Variants in NDUFS7 observed in about 807,000 individuals in gnomAD.
NDUFS7 encodes NADH dehydrogenase [ubiquinone] iron-sulfur protein 7, mitochondrial.
NDUFS7 carries 11 observed loss-of-function variants against 31.1 expected under a neutral mutation model. The observed-to-expected ratio is 0.35, with a 90% CI of 0.22 to 0.59. NDUFS7 has a LOEUF of 0.59. Among genes scored for constraint, NDUFS7 ranks in the 20% least tolerant of loss-of-function variants. The pLI is 0.79. For missense variants in NDUFS7, 263 were observed against 324.2 expected, an observed-to-expected ratio of 0.81 and a Z score of 1.45; for synonymous variants, 136 against 127.9, an observed-to-expected ratio of 1.06 and a Z score of -0.43.
chr19:1,393,024 T>TC lies in NDUFS7; in HGVS notation c.456-214dup. 3.3e-6 allele frequency: 2 copies of TC among 601,548 alleles called. No individual in the cohort carries two copies. The highest frequency in any genetic ancestry group is 1.9e-5 in the South Asian group (1 of 51,366). The allele number at this position is 601,548 out of a possible 1,614,324, so 37.3% of individuals were successfully genotyped here. A position where few individuals can be genotyped will look rare whatever the true frequency, so the allele number is the denominator to read the frequency against. ...AGCCCCCTCGGGAGGGGAGCACTTT[T>TC]CCCCGAGTTATCAGCCACGTGTGAG... On this transcript the variant is annotated intron_variant, in intron 6 of 7. Transcript: ENST00000233627. This position sits in a 1 kb window ranked among gnomAD's most constrained non-coding sequence, Gnocchi z 7.3.
intron 7 of NDUFS7, chr19:1,394,113 T>C (rs1803038281): frequency 1.2e-5 from 4 of 338,654 alleles, no homozygotes; most frequent in South Asian, 4.6e-5. Flanking sequence ...AGCCCAGCCC[T>C]GAGTCCCGAG....
intron 2 of NDUFS7, chr19:1,388,316 AAGAAG>A: frequency 1.6e-6 from 1 of 622,592 alleles, no homozygotes; most frequent in Non-Finnish European, 2.9e-6. Context: ...TACGTCACAA[AAGAAG>A]TTCCATTCAA....
At chr19:1,384,720 C>A (rs1009834719) in intron 1 of NDUFS7, among the ~76,000 whole-genome samples, 2 of 152,208 alleles carry the variant, frequency 1.3e-5, no homozygotes, top group East Asian at 1.9e-4. Context: ...GTCTGCAGCC[C>A]CTGCACCATA....
chr19:1,388,471 G>C, intron 2 of NDUFS7, 54 bp from the exon 3 acceptor site: 1 of 1,521,906 alleles, frequency 6.6e-7, no homozygotes, highest in Non-Finnish European at 9.1e-7. Context: ...AGTGCGGCTG[G>C]GGGAGCTGGA....
At chr19:1,384,891 T>C (rs1302950593) in intron 1 of NDUFS7, among the ~76,000 whole-genome samples, 1 of 152,222 alleles carries the variant, frequency 6.6e-6, no homozygotes, top group Non-Finnish European at 1.5e-5. Flanking sequence ...GGCTCATCAC[T>C]GCAACCTGTG....
chr19:1,388,563 A>C lies in NDUFS7; in HGVS notation c.92A>C (p.His31Pro), dbSNP rs1267323843. The C allele has an allele frequency of 1.2e-6, 2 of 1,612,126 alleles. No homozygotes were observed. Among genetic ancestry groups the C allele is most frequent in the Non-Finnish European group, 1.7e-6 (2 of 1,179,914 alleles). The change falls in exon 3 of 8, where the codon CAT becomes CCT. Residue 31 changes from histidine to proline, a missense_variant. Physicochemically the swap from His to Pro is moderately conservative, Grantham distance 77 (BLOSUM62 -2). Coordinates refer to ENST00000233627, the MANE Select transcript of NDUFS7 (RefSeq NM_024407.5). ...CCGGCTGTGCAGGCACGAGGTGTCC[A>C]TCAGAGCGTGGCCACCGATGGCCCA... ...VGPAVQARGV[H>P]QSVATDGPSS...
rs576885917 is a variant in NDUFS7 at position 1,389,281 on chromosome 19, G to C, written c.228+343G>C. ...CATATACACATGCACACGCACACTC[G>C]CACACACGTGCACATATATGCACAG... On this transcript the variant is annotated intron_variant, in intron 4 of 7. Transcript: ENST00000233627. 16 of 583,510 alleles carry C rather than the reference G, an allele frequency of 2.7e-5. No individual in the cohort carries two copies. In the Admixed American group the frequency reaches 3.6e-4, roughly 13 times the overall value. The allele number at this position is 583,510 out of a possible 1,614,324, so 36.1% of individuals were successfully genotyped here. A position where few individuals can be genotyped will look rare whatever the true frequency, so the allele number is the denominator to read the frequency against.
intron 2 of NDUFS7, 61 bp from the exon 3 acceptor site, chr19:1,388,464 G>T (rs998017971): frequency 6.8e-7 from 1 of 1,473,536 alleles, no homozygotes; most frequent in Admixed American, 1.7e-5. Flanking sequence ...AACAGTGAGT[G>T]CGGCTGGGGG....
chr19:1,389,127 CGCACACAAT>C, intron 4 of NDUFS7, 189 bp downstream of exon 4: 2 of 707,550 alleles, frequency 2.8e-6, no homozygotes, highest in East Asian at 2.7e-5. Context: ...CGCACACTCA[CGCACACAAT>C]GCACATATGC....
chr19:1,388,019 C>A, intron 2 of NDUFS7, 172 bp downstream of exon 2: 1 of 711,130 alleles, frequency 1.4e-6, no homozygotes, highest in Non-Finnish European at 2.5e-6. Flanking sequence ...CGGGACCCTC[C>A]CTGGGACAGT....
At chr19:1,395,241 A>C in intron 7 of NDUFS7, 150 bp from the exon 8 acceptor site, 2 of 1,443,264 alleles carry the variant, frequency 1.4e-6, no homozygotes, top group Non-Finnish European at 1.8e-6. Flanking sequence ...GCCGGCTCCC[A>C]GTCCCTGGCA....
At position 1,388,567 on chromosome 19, in the gene NDUFS7, G is replaced by T; in HGVS notation, c.96G>T (p.Gln32His). The T allele has an allele frequency of 6.2e-7, 1 of 1,612,220 alleles. No homozygotes were observed. Among genetic ancestry groups the T allele is most frequent in the Non-Finnish European group, 8.5e-7 (1 of 1,179,892 alleles). The change falls in exon 3 of 8, where the codon CAG (glutamine) becomes CAT (histidine). Residue 32 changes from glutamine to histidine, a missense_variant. Gln to His is a conservative substitution (Grantham distance 24). Transcript: ENST00000233627. ...GPAVQARGVHQSVATDGPSST... is the reference protein window; with the variant it reads ...GPAVQARGVHHSVATDGPSST... ...CTGTGCAGGCACGAGGTGTCCATCA[G>T]AGCGTGGCCACCGATGGCCCAAGCA...
chr19:1,394,096 C>T (rs866103681), intron 7 of NDUFS7: 6 of 330,536 alleles, frequency 1.8e-5, no homozygotes, highest in African/African-American at 6.5e-5. Flanking sequence ...TTAGCTCATG[C>T]GCAGAGAGCC....
rs1250732684 is a variant in NDUFS7, at chr19:1,394,271, G to A, written c.544+941G>A. 15 of 993,550 alleles carry A rather than the reference G, an allele frequency of 1.5e-5. 1 individual carries two copies. Among genetic ancestry groups the A allele is most frequent in the Non-Finnish European group, 1.9e-5 (14 of 726,954 alleles). The allele number at this position is 993,550 out of a possible 1,614,324, so 61.5% of individuals were successfully genotyped here. A position where few individuals can be genotyped will look rare whatever the true frequency, so the allele number is the denominator to read the frequency against. On this transcript the variant is annotated intron_variant, in intron 7 of 7. Transcript: ENST00000233627. ...CAGGTCACCCCGGGGGCAGTGGAGA[G>A]GGCAGCCTGGGCCTCCCTGTGACTT...
At chr19:1,387,913 GGGGGGGT>G (rs1466708363) in intron 2 of NDUFS7, 66 bp downstream of exon 2, 1 of 408,176 alleles carries the variant, frequency 2.4e-6, no homozygotes, top group Admixed American at 2.7e-5. Flanking sequence ...GAACGGGGCG[GGGGGGGT>G]GGGGGGTGGG....
At chr19:1,392,895 G>A (rs376660272) in intron 6 of NDUFS7, 30 of 371,430 alleles carry the variant, frequency 8.1e-5, no homozygotes, top group South Asian at 6.6e-4. Context: ...AGGCTCAGCC[G>A]CCCCATAGAC....
At position 1,388,643 on chromosome 19, in the gene NDUFS7, CCCTT is replaced by C. The variant is rs1568988023; in HGVS notation, c.122+55_122+58del. The C allele has an allele frequency of 2.5e-6, 4 of 1,572,218 alleles. No homozygotes were observed. The South Asian group carries it at 3.4e-5, about 13-fold the overall frequency. Reference sequence around the variant, plus strand: ...TCGTACCCCCTCGCCCCACCCCCATCCCTTCCTTATTTTCTGCATCAGTGCCGCA... The same window carrying C: ...TCGTACCCCCTCGCCCCACCCCCATCCCTTATTTTCTGCATCAGTGCCGCA... On this transcript the variant is annotated intron_variant, in intron 3 of 7. Transcript: ENST00000233627.
intron 4 of NDUFS7, 140 bp downstream of exon 4, chr19:1,389,078 C>T (rs1205362131): frequency 1.3e-6 from 1 of 772,648 alleles, no homozygotes; most frequent in Non-Finnish European, 2.2e-6. Context: ...CATGTGCATG[C>T]AAGCTCACAT....
rs772253846 is a variant in NDUFS7, at chr19:1,391,203, G to A, written c.455+38G>A. On this transcript the variant is annotated intron_variant, in intron 6 of 7. Coordinates refer to ENST00000233627, the MANE Select transcript of NDUFS7 (RefSeq NM_024407.5). ...CGGGGGGTCTCCAGGGACAGACGTA[G>A]CGTGAGTGCTGGCCTGGCCGTGCCC... 29 of 1,604,334 alleles carry A rather than the reference G, an allele frequency of 1.8e-5. No individual in the cohort carries two copies. The East Asian group carries it at 6.3e-4, about 35-fold the overall frequency.
Sources: gnomAD v4.1 joint callset for allele counts (sites outside exome capture counted in the v4.1 genomes callset) on GRCh38, gnomAD v4.1.1 for gene constraint, Gnocchi (gnomAD v3.1) non-coding constraint, MANE v1.5 for transcripts, NCBI Gene and HGNC (gene_info 2026-07-23, HGNC 2026-07-21) for gene names.